The following OLFM1 variants were observed in gnomAD, a reference collection of about 807,000 sequenced individuals.
The protein encoded by OLFM1 is olfactomedin 1.
In OLFM1, 9 loss-of-function variants were observed where a neutral mutation model predicts 49.7. The observed-to-expected ratio is 0.18, with a 90% CI of 0.11 to 0.32. The LOEUF is 0.32. OLFM1 is among the 10% of genes least tolerant of loss of function. The probability of loss-of-function intolerance (pLI) is 1.00; values close to 1 mark genes in which losing one functional copy is unlikely to be tolerated. For synonymous variants in OLFM1, 240 were observed against 271.8 expected, an observed-to-expected ratio of 0.88 and a Z score of 1.15; for missense variants, 369 against 661.8, an observed-to-expected ratio of 0.56 and a Z score of 4.85.
At chr9:135,116,003 G>A (rs936957293) in intron 5 of OLFM1, among the ~76,000 whole-genome samples, 10 of 152,188 alleles carry the variant, frequency 6.6e-5, no homozygotes, top group African/African-American at 9.6e-5. Flanking sequence ...GGTCCTGCCC[G>A]GAGGCGCAAG....
At chr9:135,087,637 G>T (rs1274323210), upstream of OLFM1, 2 of 579,664 alleles carry the variant, frequency 3.5e-6, no homozygotes, top group South Asian at 7.4e-5. Flanking sequence ...CCTCCCGGCC[G>T]CGGCCCCCGC....
chr9:135,087,745 C>T lies in OLFM1; in HGVS notation c.-245C>T. On this transcript the variant is annotated 5_prime_UTR_variant, in exon 1 of 6. Coordinates refer to ENST00000371793, the MANE Select transcript of OLFM1 (RefSeq NM_001282611.2). Reference sequence around the variant, plus strand: ...CGGGCAAGGCAGGGCGCAGGGCGGGCGGCGCGAGGCGCAGGGCGCGGCGGG... The same window carrying T: ...CGGGCAAGGCAGGGCGCAGGGCGGGTGGCGCGAGGCGCAGGGCGCGGCGGG... The T allele has an allele frequency of 4.8e-6, 2 of 415,676 alleles. No homozygotes were observed. Among genetic ancestry groups the T allele is most frequent in the Non-Finnish European group, 6.4e-6 (2 of 311,404 alleles). The allele number at this position is 415,676 out of a possible 1,614,324, so 25.7% of individuals were successfully genotyped here. A position where few individuals can be genotyped will look rare whatever the true frequency, so the allele number is the denominator to read the frequency against.
At chr9:135,095,651 G>C (rs1303141670) in intron 2 of OLFM1, among the ~76,000 whole-genome samples, 1 of 152,112 alleles carries the variant, frequency 6.6e-6, no homozygotes, top group African/African-American at 2.4e-5. Context: ...GGTTGGCAAA[G>C]AAAATGTTTA....
Position 135,096,030 on chromosome 9 carries a change from TC to T in OLFM1, c.456+13del, listed in dbSNP as rs1830785423. Reference sequence around the variant, plus strand: ...GCCAGGCAGTTTAAGGTATGCATGTTCCTCCCCCTCTCCCTCCCCTTATCCT... The same window carrying T: ...GCCAGGCAGTTTAAGGTATGCATGTTCTCCCCCTCTCCCTCCCCTTATCCT... On this transcript the variant is annotated intron_variant, in intron 3 of 5. Transcript: ENST00000371793. 1 of 1,151,834 alleles carries T rather than the reference TC, an allele frequency of 8.7e-7. No individual in the cohort carries two copies. Among genetic ancestry groups the T allele is most frequent in the Non-Finnish European group, 1.1e-6 (1 of 895,950 alleles). The allele number at this position is 1,151,834 out of a possible 1,614,324, so 71.4% of individuals were successfully genotyped here.
upstream of OLFM1, chr9:135,086,509 C>T (rs1195044735): frequency 2.5e-6 from 1 of 402,530 alleles, no homozygotes; most frequent in African/African-American, 2.1e-5. Context: ...TCTTTCAAAT[C>T]CCATCCAGGA....
intron 5 of OLFM1, among the ~76,000 whole-genome samples, chr9:135,107,758 G>A (rs1830965968): frequency 6.6e-6 from 1 of 152,192 alleles, no homozygotes; most frequent in Non-Finnish European, 1.5e-5. Flanking sequence ...AAACAACCCA[G>A]CTCTGCCCTG....
At chr9:135,099,976 G>A (rs1012861376) in intron 4 of OLFM1, among the ~76,000 whole-genome samples, 4 of 152,100 alleles carry the variant, frequency 2.6e-5, no homozygotes, top group South Asian at 2.1e-4. Flanking sequence ...TACTGTCTTC[G>A]GCTTGCTACC....
Position 135,094,495 on chromosome 9 carries a change from GACA to G in OLFM1, c.301-1364_301-1362del, listed in dbSNP as rs143485101. On this transcript the variant is annotated intron_variant, in intron 2 of 5. Coordinates refer to ENST00000371793, the MANE Select transcript of OLFM1 (RefSeq NM_001282611.2). ...GTAGTTATTCAAAGTGACAGAGGAA[GACA>G]ACAAGAGAATCAGGCAGGTGGTATT... Among the ~76,000 whole-genome samples, 856 of 152,212 alleles carry G rather than the reference GACA, an allele frequency of 5.6e-3. 8 individuals carry two copies. Among genetic ancestry groups the G allele is most frequent in the African/African-American group, 0.02 (815 of 41,528 alleles).
chr9:135,116,502 C>G (rs941843760), intron 5 of OLFM1, among the ~76,000 whole-genome samples: 4 of 152,120 alleles, frequency 2.6e-5, no homozygotes, highest in South Asian at 4.1e-4. Flanking sequence ...GAAGGAGGCT[C>G]TGGACCCAGG....
intron 1 of OLFM1, chr9:135,075,875 G>A (rs571445014): frequency 3.7e-5 from 55 of 1,491,578 alleles, no homozygotes; most frequent in Middle Eastern, 1.7e-4. Context: ...CACAAAGTCC[G>A]GGAACGGCTC....
At chr9:135,103,614 G>A (rs933768138) in intron 4 of OLFM1, among the ~76,000 whole-genome samples, 4 of 152,258 alleles carry the variant, frequency 2.6e-5, no homozygotes, top group Non-Finnish European at 5.9e-5. Flanking sequence ...CTTGGCCCAC[G>A]GCAGGGTGGG....
At position 135,088,683 on chromosome 9, in the gene OLFM1, C is replaced by G. The variant is rs1830636681; in HGVS notation, c.150+544C>G. On this transcript the variant is annotated intron_variant, in intron 1 of 5. Coordinates refer to ENST00000371793, the MANE Select transcript of OLFM1 (RefSeq NM_001282611.2). The surrounding 1 kb of genome is among the most constrained non-coding windows in gnomAD (Gnocchi z 4.8). ...GAGCTCCTGCCCGCGCCTGCATTCC[C>G]AAAGTCCCAAGGCGCCCTTTCCTCC... 6.6e-6 allele frequency among the ~76,000 whole-genome samples: 1 copy of G among 152,116 alleles called. No homozygotes were observed. Among genetic ancestry groups the G allele is most frequent in the Admixed American group, 6.5e-5 (1 of 15,278 alleles).
Position 135,119,619 on chromosome 9 carries a change from G to C in OLFM1, c.899G>C (p.Gly300Ala), listed in dbSNP as rs1287679509. 6.2e-7 allele frequency: 1 copy of C among 1,614,156 alleles called. No individual in the cohort carries two copies. The highest frequency in any genetic ancestry group is 8.5e-7 in the Non-Finnish European group (1 of 1,180,030). ...TSHRLPHPWS[G>A]TGQVVYNGSI... ...CACCGTCTCCCCCACCCCTGGTCGG[G>C]CACGGGGCAGGTGGTCTACAACGGT... Residue 300 changes from glycine to alanine, a missense_variant, in exon 6 of 6, where the codon GGC (glycine) becomes GCC (alanine). Transcript: ENST00000371793.
rs920756168 is a variant in OLFM1, at chr9:135,088,112, C to A, written c.123C>A (p.Gly41=). Residue 41 remains glycine, a synonymous_variant, in exon 1 of 6, where the codon GGC becomes GGA. Coordinates refer to ENST00000371793, the MANE Select transcript of OLFM1 (RefSeq NM_001282611.2). This position sits in a 1 kb window ranked among gnomAD's most constrained non-coding sequence, Gnocchi z 4.8. ...ACACCACCAAGCTCTCGGCGGCCGG[C>A]GGCGGGACGCTGGACCGCAGCACCG... ...GLNTTKLSAA[G]GGTLDRSTGV... is the part of the protein sequence containing the mutation. 7.1e-6 allele frequency: 10 copies of A among 1,408,946 alleles called. No homozygotes were observed. In the African/African-American group the frequency reaches 1.5e-4, roughly 21 times the overall value. 87.3% of individuals were successfully genotyped at this position (1,408,946 alleles called of 1,614,324 possible).
intron 2 of OLFM1, among the ~76,000 whole-genome samples, chr9:135,095,548 A>G (rs1830778631): frequency 7.2e-6 from 1 of 138,566 alleles, no homozygotes; most frequent in African/African-American, 2.8e-5. Flanking sequence ...GAGAGAGATC[A>G]AGAGAAATCA....
upstream of OLFM1, among the ~76,000 whole-genome samples, chr9:135,085,276 T>A (rs146966455): frequency 5.2e-3 from 789 of 152,354 alleles, 5 homozygotes; most frequent in African/African-American, 0.018. Context: ...TGGCGGCCTC[T>A]GTGGCTCGTG....
At position 135,080,754 on chromosome 9, in the gene OLFM1, A is replaced by G. The variant is rs2119086363; in HGVS notation, c.96+4952A>G. 6.6e-6 allele frequency among the ~76,000 whole-genome samples: 1 copy of G among 152,306 alleles called. No homozygotes were observed. The highest frequency in any genetic ancestry group is 2.1e-4 in the South Asian group (1 of 4,826). On this transcript the variant is annotated intron_variant, in intron 1 of 5. Coordinates refer to the OLFM1 transcript ENST00000252854. This position sits in a 1 kb window ranked among gnomAD's most constrained non-coding sequence, Gnocchi z 4.5. ...AACTAATTACTAGCTAAACTGAATT[A>G]GATACATGGCAACCACGAGCTAGGC... is the stretch of plus-strand genomic sequence containing the variant.
intron 1 of OLFM1, among the ~76,000 whole-genome samples, chr9:135,079,584 G>A (rs1294809984): frequency 1.3e-5 from 2 of 152,066 alleles, no homozygotes; most frequent in Admixed American, 6.5e-5. Flanking sequence ...CAGCCTGGGC[G>A]ACAGAGCGAG....
At chr9:135,101,858 T>C (rs1359456202) in intron 4 of OLFM1, among the ~76,000 whole-genome samples, 1 of 152,226 alleles carries the variant, frequency 6.6e-6, no homozygotes, top group Admixed American at 6.5e-5. Context: ...TGGTCCTCTC[T>C]ATAAATGAGG....
Sources: gnomAD v4.1 joint callset for allele counts (sites outside exome capture counted in the v4.1 genomes callset) on GRCh38, gnomAD v4.1.1 for gene constraint, Gnocchi (gnomAD v3.1) non-coding constraint, MANE v1.5 for transcripts, NCBI Gene and HGNC (gene_info 2026-07-23, HGNC 2026-07-21) for gene names.